The following ADAM11 variants were observed in gnomAD, a reference collection of about 807,000 sequenced individuals.
ADAM11 encodes the protein ADAM metallopeptidase domain 11, also known as disintegrin and metalloproteinase domain-containing protein 11.
A neutral mutation model predicts 119.1 loss-of-function variants in ADAM11; 49 were observed. That is an observed-to-expected ratio of 0.41 (90% CI 0.33 to 0.52). The LOEUF is 0.52. ADAM11 is among the 20% of genes least tolerant of loss of function. The pLI is 0.20. For missense variants in ADAM11, 777 were observed against 1,047.5 expected (o/e 0.74, Z 3.56); for synonymous variants, 364 against 408.0 (o/e 0.89, Z 1.30).
chr17:44,777,540 G>T lies in ADAM11; in HGVS notation c.1840G>T (p.Asp614Tyr). ...VNISGAPRLG[D>Y]LVGDISSVTF... ...CATCTCTGGAGCTCCTCGGCTAGGGGACCTGGTGGGAGACATCAGTAGTGT... is the reference window on the plus strand; with the variant it reads ...CATCTCTGGAGCTCCTCGGCTAGGGTACCTGGTGGGAGACATCAGTAGTGT... Residue 614 changes from aspartate (D) to tyrosine (Y), a missense_variant, in exon 22 of 27, where the codon GAC becomes TAC. Coordinates refer to ENST00000200557, the MANE Select transcript of ADAM11 (RefSeq NM_002390.6). The surrounding 1 kb of genome is among the most constrained non-coding windows in gnomAD (Gnocchi z 5.1). 1 of 1,614,196 alleles carries T rather than the reference G, an allele frequency of 6.2e-7. No homozygotes were observed. Among genetic ancestry groups the T allele is most frequent in the Non-Finnish European group, 8.5e-7 (1 of 1,180,030 alleles).
Position 44,759,835 on chromosome 17 carries a change from G to T in ADAM11, c.175G>T (p.Gly59Trp). The T allele has an allele frequency of 1.5e-6, 2 of 1,315,076 alleles. No homozygotes were observed. The highest frequency in any genetic ancestry group is 3.1e-5 in the South Asian group (1 of 32,502). 81.5% of individuals were successfully genotyped at this position (1,315,076 alleles called of 1,614,324 possible). A position where few individuals can be genotyped will look rare whatever the true frequency, so the allele number is the denominator to read the frequency against. ...CAGCCGTCTGGTTAGGGAGAGCTCC[G>T]GGGGAGAGGTCCGAAAGCAGCAGCT... ...EPSRLVRESS[G>W]GEVRKQQLDT... Residue 59 changes from glycine (G) to tryptophan (W), a missense_variant, in exon 2 of 27, where the codon GGG becomes TGG. Physicochemically the swap from Gly to Trp is radical, Grantham distance 184 (BLOSUM62 -2). This residue lies in a region of ADAM11 where 278 missense variants were observed against 310.1 expected (regional missense o/e 0.90). Transcript: ENST00000200557.
rs2072238 is a variant in ADAM11, at chr17:44,776,473, C to T, written c.1566+266C>T. Among the ~76,000 whole-genome samples the T allele has an allele frequency of 0.6, 91,770 of 152,034 alleles. 28,239 individuals carry two copies. Among genetic ancestry groups the T allele is most frequent in the East Asian group, 0.77 (3,994 of 5,166 alleles). On this transcript the variant is annotated intron_variant, in intron 18 of 26. Coordinates refer to ENST00000200557, the MANE Select transcript of ADAM11 (RefSeq NM_002390.6). This position sits in a 1 kb window ranked among gnomAD's most constrained non-coding sequence, Gnocchi z 5.2. The stretch of plus-strand genomic sequence containing the variant: ...GGTGTAGGTTAGGGATCAGAGTAGA[C>T]GATAATATTAGTTAACATCTATTAC...
rs550063531 is a variant in ADAM11, at chr17:44,759,760, G to C, written c.100G>C (p.Gly34Arg). ...AGGTCCTGCTGGAGCTCTGCGATGG[G>C]GGGGCTTACCCCAGCTGGGAGGCCC... ...TQGPAGALRW[G>R]GLPQLGGPGA... Residue 34 changes from glycine to arginine, a missense_variant, in exon 2 of 27, where the codon GGG becomes CGG. This residue lies in a region of ADAM11 where 278 missense variants were observed against 310.1 expected (regional missense o/e 0.90). Transcript: ENST00000200557. The C allele has an allele frequency of 2.4e-5, 32 of 1,325,672 alleles. No individual in the cohort carries two copies. The highest frequency in any genetic ancestry group is 3.0e-5 in the Admixed American group (1 of 32,978). The allele number at this position is 1,325,672 out of a possible 1,614,324, so 82.1% of individuals were successfully genotyped here.
In ADAM11 at chr17:44,776,831, C is replaced by T; in HGVS notation, c.1617+36C>T. 2 of 1,613,900 alleles carry T rather than the reference C, an allele frequency of 1.2e-6. No homozygotes were observed. The highest frequency in any genetic ancestry group is 1.7e-4 in the Middle Eastern group (1 of 6,058). On this transcript the variant is annotated intron_variant, in intron 19 of 26. Transcript: ENST00000200557. This position sits in a 1 kb window ranked among gnomAD's most constrained non-coding sequence, Gnocchi z 5.2. ...TGCCCCCTGAGCCTGGGATTCAGGG[C>T]AGTCTCTTGTCTCCACTCTGACCAC...
At chr17:44,762,666 G>A (rs1394007177) in intron 2 of ADAM11, among the ~76,000 whole-genome samples, 3 of 152,240 alleles carry the variant, frequency 2.0e-5, no homozygotes, top group East Asian at 1.9e-4. Context: ...TGGGCAGGTC[G>A]TTTGACTTTT....
At position 44,777,102 on chromosome 17, in the gene ADAM11, C is replaced by T; in HGVS notation, c.1682-64C>T. On this transcript the variant is annotated intron_variant, in intron 20 of 26. Transcript: ENST00000200557. This position sits in a 1 kb window ranked among gnomAD's most constrained non-coding sequence, Gnocchi z 5.1. ...GGACCCAGGCAGAGTGTGGGAGATG[C>T]AGGCCTGAGGTCTTGGGGTGGGTCC... 6.5e-7 allele frequency: 1 copy of T among 1,545,284 alleles called. No homozygotes were observed. The highest frequency in any genetic ancestry group is 1.2e-5 in the South Asian group (1 of 83,006).
rs140963174 is a variant in ADAM11, at chr17:44,779,230, G to A, written c.2285G>A (p.Arg762His). The A allele has an allele frequency of 5.7e-6, 9 of 1,582,444 alleles. No individual in the cohort carries two copies. The highest frequency in any genetic ancestry group is 3.4e-5 in the South Asian group (3 of 87,474). ...CCATCCTCCCCCTGCAGAAACATTC[G>A]CCGAGGAAGGTACGACCCGACCCAG... ...GGTGWGFKNI[R>H]RGRSGGA Residue 762 changes from arginine (R) to histidine (H), a missense_variant, in exon 26 of 27, where the codon CGC becomes CAC. By Grantham distance (29) the Arg-to-His change is conservative (BLOSUM62 0). Transcript: ENST00000200557.
chr17:44,774,506 G>A lies in ADAM11; in HGVS notation c.1092G>A (p.Gly364=), dbSNP rs2049572129. 1 of 1,613,100 alleles carries A rather than the reference G, an allele frequency of 6.2e-7. No homozygotes were observed. Among genetic ancestry groups the A allele is most frequent in the Non-Finnish European group, 8.5e-7 (1 of 1,179,784 alleles). Reference sequence around the variant, plus strand: ...CCCACCCCCAGTACGGCAACATGGGGGCGATGGCCGTGACCCTTGCCCAGA... The same window carrying A: ...CCCACCCCCAGTACGGCAACATGGGAGCGATGGCCGTGACCCTTGCCCAGA... ...GGGVNEYGNM[G]AMAVTLAQTL... Residue 364 remains glycine, a synonymous_variant, in exon 13 of 27, where the codon GGG becomes GGA. Coordinates refer to ENST00000200557, the MANE Select transcript of ADAM11 (RefSeq NM_002390.6).
At chr17:44,779,589 ACTGT>A (rs2049663564) in intron 26 of ADAM11, 146 bp from the exon 27 acceptor site, 3 of 1,474,064 alleles carry the variant, frequency 2.0e-6, no homozygotes, top group African/African-American at 2.9e-5. Flanking sequence ...CCATATCACC[ACTGT>A]CTGACCTCCC....
intron 2 of ADAM11, among the ~76,000 whole-genome samples, chr17:44,760,778 G>T (rs2049379807): frequency 6.6e-6 from 1 of 152,098 alleles, no homozygotes; most frequent in Non-Finnish European, 1.5e-5. Flanking sequence ...TGGGCAGAGG[G>T]AGGAAGGAGG....
In ADAM11 at chr17:44,774,386, A is replaced by C. The variant is rs1242820155; in HGVS notation, c.1077+7A>C. 1.3e-6 allele frequency: 2 copies of C among 1,504,064 alleles called. No individual in the cohort carries two copies. The highest frequency in any genetic ancestry group is 1.4e-5 in the African/African-American group (1 of 71,576). The allele number at this position is 1,504,064 out of a possible 1,614,324, so 93.2% of individuals were successfully genotyped here. A position where few individuals can be genotyped will look rare whatever the true frequency, so the allele number is the denominator to read the frequency against. The stretch of plus-strand genomic sequence containing the variant: ...CGGCGGGGGTGTGAACGAGGTGAGC[A>C]GTGGGGGGACATGGCTGGGGTGGCG... On this transcript the variant is annotated splice_region_variant and intron_variant, in intron 12 of 26. Coordinates refer to ENST00000200557, the MANE Select transcript of ADAM11 (RefSeq NM_002390.6).
In ADAM11 at chr17:44,777,100, T is replaced by C; in HGVS notation, c.1682-66T>C. 1.3e-6 allele frequency: 2 copies of C among 1,546,148 alleles called. No individual in the cohort carries two copies. The highest frequency in any genetic ancestry group is 8.8e-7 in the Non-Finnish European group (1 of 1,139,956). On this transcript the variant is annotated intron_variant, in intron 20 of 26. Transcript: ENST00000200557. This position sits in a 1 kb window ranked among gnomAD's most constrained non-coding sequence, Gnocchi z 5.1. The stretch of plus-strand genomic sequence containing the variant: ...AGGGACCCAGGCAGAGTGTGGGAGA[T>C]GCAGGCCTGAGGTCTTGGGGTGGGT...
Position 44,777,042 on chromosome 17 carries a change from C to G in ADAM11, c.1681+80C>G. On this transcript the variant is annotated intron_variant, in intron 20 of 26. Transcript: ENST00000200557. This position sits in a 1 kb window ranked among gnomAD's most constrained non-coding sequence, Gnocchi z 5.1. ...CTGGGGAGAGTGGGTTCCAGCTGAA[C>G]AGGCCCCCAAGTGTGTAGCTCCCCA... 6.4e-7 allele frequency: 1 copy of G among 1,561,392 alleles called. No individual in the cohort carries two copies. Among genetic ancestry groups the G allele is most frequent in the Non-Finnish European group, 8.7e-7 (1 of 1,146,478 alleles).
intron 25 of ADAM11, among the ~76,000 whole-genome samples, 180 bp from the exon 26 acceptor site, chr17:44,779,042 C>T (rs759174852): frequency 3.9e-5 from 6 of 152,192 alleles, no homozygotes; most frequent in Admixed American, 1.3e-4. Context: ...GGAACCGGGA[C>T]GCATTTTTGT....
chr17:44,764,369 A>G (rs546207841), intron 2 of ADAM11, among the ~76,000 whole-genome samples: 1 of 152,314 alleles, frequency 6.6e-6, no homozygotes, highest in East Asian at 1.9e-4. Flanking sequence ...TGAAGATGGG[A>G]GTCATGGACA....
intron 1 of ADAM11, 148 bp from the exon 2 acceptor site, chr17:44,759,574 C>G (rs1032735243): frequency 1.7e-5 from 22 of 1,288,624 alleles, no homozygotes; most frequent in Non-Finnish European, 2.1e-5. Flanking sequence ...GGGCTCTTGC[C>G]TCTGCAGGGC....
rs745429129 is a variant in ADAM11, at chr17:44,771,837, C to A, written c.543+6C>A. On this transcript the variant is annotated splice_donor_region_variant and intron_variant, in intron 6 of 26. Coordinates refer to ENST00000200557, the MANE Select transcript of ADAM11 (RefSeq NM_002390.6). ...GACCTTGGGGAGCCCCTCAGGTAAG[C>A]CCCACACAACCCCTTGCCATCCTCT... The A allele has an allele frequency of 3.1e-6, 5 of 1,597,920 alleles. No homozygotes were observed. The Admixed American group carries it at 5.2e-5, about 17-fold the overall frequency.
At chr17:44,778,298 C>T (rs1233866930) in intron 25 of ADAM11, 56 bp downstream of exon 25, 1 of 1,534,450 alleles carries the variant, frequency 6.5e-7, no homozygotes, top group East Asian at 2.4e-5. Context: ...GATCAGAATC[C>T]CTACTGGTGG....
chr17:44,765,610 CTT>C (rs748123040), intron 2 of ADAM11, among the ~76,000 whole-genome samples: 8 of 99,876 alleles, frequency 8.0e-5, no homozygotes, highest in African/African-American at 1.6e-4. Flanking sequence ...TTTCTTTTCT[CTT>C]TTTTTTTTTT....
Sources: allele counts gnomAD v4.1 joint callset (sites outside exome capture counted in the v4.1 genomes callset), GRCh38; gene constraint gnomAD v4.1.1; regional missense constraint gnomAD v4.1.1; non-coding constraint Gnocchi (gnomAD v3.1); transcripts MANE v1.5; gene names NCBI Gene and HGNC (gene_info 2026-07-23, HGNC 2026-07-21).